KLHL13: variants seen among roughly 807,000 people sequenced by gnomAD.
KLHL13 encodes kelch like family member 13.
In KLHL13, 10 loss-of-function variants were observed where a neutral mutation model predicts 37.1. That is an observed-to-expected ratio of 0.27 (90% confidence interval 0.17 to 0.46). The LOEUF is 0.46. KLHL13 is among the 20% of genes least tolerant of loss of function. KLHL13 has a pLI of 1.00. For synonymous variants in KLHL13, 163 were observed against 181.2 expected (o/e 0.90, Z 0.81); for missense variants, 360 against 509.3 (o/e 0.71, Z 2.82).
chrX:118,107,957 G>A (rs1048605183), intron 1 of KLHL13, among the ~76,000 whole-genome samples: 3 of 111,751 alleles, frequency 2.7e-5, no homozygotes, highest in Admixed American at 9.5e-5. Flanking sequence ...GGAGGCTGAG[G>A]TGGGAAGATC....
chrX:117,998,590 T>C (rs2053883641), intron 1 of KLHL13, among the ~76,000 whole-genome samples: 1 of 111,231 alleles, frequency 9.0e-6, no homozygotes, highest in African/African-American at 3.3e-5. Flanking sequence ...ATCCAGACAT[T>C]ATTGGAGAGG....
chrX:117,950,826 C>T (rs1933555793), intron 1 of KLHL13, among the ~76,000 whole-genome samples: 1 of 112,571 alleles, frequency 8.9e-6, no homozygotes, highest in South Asian at 3.7e-4. Context: ...AGAGAAGTGT[C>T]TGCTAGCAGC....
chrX:117,959,243 T>C (rs1335891153), intron 1 of KLHL13, among the ~76,000 whole-genome samples: 1 of 112,328 alleles, frequency 8.9e-6, no homozygotes, highest in East Asian at 2.8e-4. Context: ...AATGACTGCA[T>C]GCACGCACCC....
intron 1 of KLHL13, among the ~76,000 whole-genome samples, chrX:117,951,142 A>G (rs956709743): frequency 8.9e-6 from 1 of 112,034 alleles, no homozygotes; most frequent in Non-Finnish European, 1.9e-5. Context: ...GAGTGTACAC[A>G]TACTCAACTT....
chrX:118,055,778 T>C (rs1376112281), intron 1 of KLHL13, among the ~76,000 whole-genome samples: 1 of 111,628 alleles, frequency 9.0e-6, no homozygotes, highest in Non-Finnish European at 1.9e-5. Flanking sequence ...AATAATAATT[T>C]AATGTAATAT....
intron 1 of KLHL13, among the ~76,000 whole-genome samples, chrX:118,071,653 A>G (rs1191575096): frequency 1.1e-4 from 12 of 110,405 alleles, no homozygotes; most frequent in East Asian, 5.7e-4. Flanking sequence ...AAATCAATGT[A>G]CAAAAATCAC....
intron 1 of KLHL13, among the ~76,000 whole-genome samples, chrX:118,002,104 T>C (rs1168880172): frequency 1.8e-5 from 2 of 111,389 alleles, no homozygotes; most frequent in Non-Finnish European, 3.8e-5. Flanking sequence ...CCTGCATCTA[T>C]AAACAAGACA....
intron 1 of KLHL13, among the ~76,000 whole-genome samples, chrX:118,046,676 A>C: frequency 9.0e-6 from 1 of 111,722 alleles, no homozygotes; most frequent in Non-Finnish European, 1.9e-5. Context: ...TACACCTACT[A>C]TGTGCCCACA....
At chrX:118,007,103 T>C (rs758737562) in intron 1 of KLHL13, among the ~76,000 whole-genome samples, 6 of 110,438 alleles carry the variant, frequency 5.4e-5, no homozygotes, top group Non-Finnish European at 1.1e-4. Context: ...GCCTCCCAAG[T>C]TTGAGAAGTC....
At chrX:117,998,368 G>C (rs1234010635) in intron 1 of KLHL13, among the ~76,000 whole-genome samples, 1 of 111,879 alleles carries the variant, frequency 8.9e-6, no homozygotes, top group Non-Finnish European at 1.9e-5. Flanking sequence ...AAACCGCATA[G>C]TAATTTGAAC....
intron 6 of KLHL13, among the ~76,000 whole-genome samples, chrX:117,901,612 C>A (rs754611216): frequency 1.9e-5 from 2 of 107,992 alleles, no homozygotes; most frequent in Non-Finnish European, 3.8e-5. Context: ...TCAAGAGATT[C>A]TCCTGCCTCA....
intron 5 of KLHL13, 39 bp downstream of exon 6, chrX:117,909,262 G>A: frequency 9.5e-7 from 1 of 1,048,912 alleles, no homozygotes; most frequent in Non-Finnish European, 1.3e-6. Context: ...ATTTCTGAGT[G>A]AAGAAATTTG....
chrX:118,023,875 T>G (rs7879126), intron 1 of KLHL13, among the ~76,000 whole-genome samples: 1 of 112,054 alleles, frequency 8.9e-6, no homozygotes, highest in Non-Finnish European at 1.9e-5. Flanking sequence ...TATGTTTTAC[T>G]GTATTTGGAA....
chrX:117,995,285 C>T (rs759299549), intron 1 of KLHL13, among the ~76,000 whole-genome samples: 66 of 111,661 alleles, frequency 5.9e-4, no homozygotes, highest in African/African-American at 2.1e-3. Context: ...TGTAAAAATA[C>T]ATACTTAACT....
intron 1 of KLHL13, among the ~76,000 whole-genome samples, chrX:118,048,719 A>C (rs1569302700): frequency 8.9e-6 from 1 of 111,887 alleles, no homozygotes; most frequent in Non-Finnish European, 1.9e-5. Flanking sequence ...ATAAAACCAG[A>C]CAGAACAAAA....
At chrX:118,032,232 G>A (rs1464543246) in intron 1 of KLHL13, among the ~76,000 whole-genome samples, 5 of 111,811 alleles carry the variant, frequency 4.5e-5, no homozygotes, top group Non-Finnish European at 7.5e-5. Context: ...ACTGGTTGGA[G>A]CCCACCACAG....
chrX:118,009,630 A>C (rs1305308796), intron 1 of KLHL13, among the ~76,000 whole-genome samples: 2 of 25,096 alleles, frequency 8.0e-5, no homozygotes, highest in South Asian at 2.1e-3. Context: ...TGGTACCAGT[A>C]CCATGCTGTT....
intron 1 of KLHL13, among the ~76,000 whole-genome samples, chrX:118,103,153 G>T (rs1478532358): frequency 2.7e-5 from 3 of 111,373 alleles, no homozygotes; most frequent in African/African-American, 9.8e-5. Flanking sequence ...TTAACTCCAC[G>T]GCACCTGACT....
At chrX:118,018,891 A>C (rs2054160965) in intron 1 of KLHL13, among the ~76,000 whole-genome samples, 2 of 111,457 alleles carry the variant, frequency 1.8e-5, no homozygotes, top group Non-Finnish European at 3.8e-5. Flanking sequence ...TTTAAGACTT[A>C]GCTTTTATAG....
Sources: gnomAD v4.1 joint callset for allele counts (sites outside exome capture counted in the v4.1 genomes callset) on GRCh38, gnomAD v4.1.1 for gene constraint, MANE v1.5 for transcripts, NCBI Gene and HGNC (gene_info 2026-07-23, HGNC 2026-07-21) for gene names.